The following PTPRG variants were observed in gnomAD, a reference collection of about 807,000 sequenced individuals.
PTPRG encodes protein tyrosine phosphatase receptor type G.
Under a neutral mutation model 165.3 loss-of-function variants are expected in PTPRG, and 102 were observed. The ratio of observed to expected loss-of-function variants is 0.62; its 90% CI spans 0.53 to 0.73. PTPRG has a LOEUF of 0.73. PTPRG is among the 30% of genes least tolerant of loss of function. PTPRG has a pLI of 0.00. For missense variants in PTPRG, 1,866 were observed against 1,861.4 expected, an observed-to-expected ratio of 1.00 and a Z score of -0.05; for synonymous variants, 675 against 669.5, an observed-to-expected ratio of 1.01 and a Z score of -0.13.
intron 5 of PTPRG, among the ~76,000 whole-genome samples, chr3:62,102,525 C>T (rs527452144): frequency 6.6e-6 from 1 of 152,314 alleles, no homozygotes; most frequent in East Asian, 1.9e-4. Context: ...CCCACCTAAG[C>T]CTCCCAAAGT....
intron 2 of PTPRG, among the ~76,000 whole-genome samples, chr3:61,921,046 T>C (rs2039065091): frequency 6.6e-6 from 1 of 151,884 alleles, no homozygotes; most frequent in African/African-American, 2.4e-5. Context: ...GGTCTTGTTA[T>C]AATAAAATTA....
intron 1 of PTPRG, among the ~76,000 whole-genome samples, chr3:61,563,811 G>T (rs1699832872): frequency 2.6e-5 from 2 of 77,780 alleles, no homozygotes; most frequent in Non-Finnish European, 6.1e-5. Context: ...CGCCCTTGGG[G>T]ATCCCCTCGG....
In PTPRG at chr3:61,562,116, G is replaced by A; in HGVS notation, c.-172G>A. The A allele has an allele frequency of 1.7e-6, 1 of 588,156 alleles. No individual in the cohort carries two copies. The highest frequency in any genetic ancestry group is 3.0e-5 in the Admixed American group (1 of 33,332). The allele number at this position is 588,156 out of a possible 1,614,324, so 36.4% of individuals were successfully genotyped here. A position where few individuals can be genotyped will look rare whatever the true frequency, so the allele number is the denominator to read the frequency against. On this transcript the variant is annotated 5_prime_UTR_variant, in exon 1 of 30. Transcript: ENST00000474889. ...GTCACTTTTTGAGATTTTCCGGGGG[G>A]CGCTCGGCGGCTTCCCGGATTCCAA...
chr3:61,573,251 TGTCGGG>T lies in PTPRG; in HGVS notation c.85+10881_85+10886del, dbSNP rs1471530169. Among the ~76,000 whole-genome samples the T allele has an allele frequency of 3.3e-5, 5 of 152,122 alleles. No individual in the cohort carries two copies. The East Asian group carries it at 9.7e-4, about 29-fold the overall frequency. ...TCAGATGGCCCAAGAAGGGGTATGA[TGTCGGG>T]GGACAAGGGGGGGAAAGCCAGTGAC... is the stretch of plus-strand genomic sequence containing the variant. On this transcript the variant is annotated intron_variant, in intron 1 of 29. Transcript: ENST00000474889.
At chr3:62,061,640 T>C (rs1446619245) in intron 4 of PTPRG, among the ~76,000 whole-genome samples, 1 of 151,722 alleles carries the variant, frequency 6.6e-6, no homozygotes, top group Non-Finnish European at 1.5e-5. Context: ...TTCTTTTTTT[T>C]TTTTTTTAGA....
chr3:61,776,227 A>G (rs951251925), intron 2 of PTPRG, among the ~76,000 whole-genome samples: 3 of 152,066 alleles, frequency 2.0e-5, no homozygotes, highest in Non-Finnish European at 1.5e-5. Context: ...CTGTTTGCTA[A>G]GGGAATGGAA....
chr3:62,055,910 A>T (rs903523377), intron 4 of PTPRG, among the ~76,000 whole-genome samples: 4 of 152,148 alleles, frequency 2.6e-5, no homozygotes, highest in African/African-American at 9.7e-5. Flanking sequence ...AAATTTTCCA[A>T]ATAAGGTGAC....
Position 62,062,394 on chromosome 3 carries a change from G to A in PTPRG, c.520-15769G>A, listed in dbSNP as rs181775331. ...AAATGTTAAGGGAGGTATCTAGGTG[G>A]GTTGTATACAGGTGTTCACAGCAAA... is the stretch of plus-strand genomic sequence containing the variant. On this transcript the variant is annotated intron_variant, in intron 4 of 29. Coordinates refer to ENST00000474889, the MANE Select transcript of PTPRG (RefSeq NM_002841.4). 3.9e-5 allele frequency among the ~76,000 whole-genome samples: 6 copies of A among 152,260 alleles called. No individual in the cohort carries two copies. The East Asian group carries it at 9.7e-4, about 25-fold the overall frequency.
intron 2 of PTPRG, among the ~76,000 whole-genome samples, chr3:61,887,435 A>G (rs1010669697): frequency 6.6e-6 from 1 of 152,122 alleles, no homozygotes; most frequent in Non-Finnish European, 1.5e-5. Context: ...TTCCCAGTGT[A>G]CTGTTTACAA....
chr3:62,003,006 C>A (rs539207515), intron 3 of PTPRG, among the ~76,000 whole-genome samples: 15 of 152,230 alleles, frequency 9.9e-5, no homozygotes, highest in African/African-American at 2.6e-4. Context: ...ATCTTGCTCT[C>A]TAGATGATTT....
chr3:61,945,002 G>T (rs185296941), intron 2 of PTPRG, among the ~76,000 whole-genome samples: 1 of 152,150 alleles, frequency 6.6e-6, no homozygotes, highest in African/African-American at 2.4e-5. Flanking sequence ...TGCAAGTTGC[G>T]TGTGTCATGA....
intron 2 of PTPRG, among the ~76,000 whole-genome samples, chr3:61,913,035 G>T (rs1324580075): frequency 1.3e-5 from 2 of 152,208 alleles, no homozygotes; most frequent in African/African-American, 4.8e-5. Context: ...AATGGCGGCT[G>T]CATATCAGAG....
chr3:62,051,026 A>G (rs1700453148), intron 4 of PTPRG, among the ~76,000 whole-genome samples: 1 of 152,204 alleles, frequency 6.6e-6, no homozygotes, highest in South Asian at 2.1e-4. Context: ...ATCCAAAGGA[A>G]ATCAGAAGTT....
At chr3:61,699,534 C>T (rs1051763575) in intron 1 of PTPRG, among the ~76,000 whole-genome samples, 8 of 152,110 alleles carry the variant, frequency 5.3e-5, no homozygotes, top group African/African-American at 1.9e-4. Context: ...CTGCTTTTAC[C>T]TATTATTGAG....
chr3:62,036,546 TAAAC>T (rs1699945899), intron 4 of PTPRG, among the ~76,000 whole-genome samples: 1 of 152,168 alleles, frequency 6.6e-6, no homozygotes, highest in Non-Finnish European at 1.5e-5. Flanking sequence ...ACTCAAGAGT[TAAAC>T]AAGTCAAGGG....
intron 1 of PTPRG, among the ~76,000 whole-genome samples, chr3:61,646,267 G>A (rs931482789): frequency 6.6e-6 from 1 of 151,916 alleles, no homozygotes; most frequent in African/African-American, 2.4e-5. Flanking sequence ...ACGCCACCAC[G>A]CTTGGCTAAT....
At chr3:61,734,607 GT>G (rs1559580973) in intron 1 of PTPRG, among the ~76,000 whole-genome samples, 1 of 152,052 alleles carries the variant, frequency 6.6e-6, no homozygotes, top group African/African-American at 2.4e-5. Flanking sequence ...TGTCTTTCTC[GT>G]TTGCTGTCTA....
chr3:61,725,512 G>A (rs566600378), intron 1 of PTPRG, among the ~76,000 whole-genome samples: 2 of 152,224 alleles, frequency 1.3e-5, no homozygotes, highest in Middle Eastern at 6.8e-3. Flanking sequence ...AAAATCAGTT[G>A]GCCGTACTCT....
chr3:62,019,587 G>A (rs2041637096), intron 4 of PTPRG, among the ~76,000 whole-genome samples: 1 of 151,470 alleles, frequency 6.6e-6, no homozygotes, highest in Non-Finnish European at 1.5e-5. Flanking sequence ...ATAACAGGGT[G>A]ATTATAATGA....
Sources: allele counts gnomAD v4.1 joint callset (sites outside exome capture counted in the v4.1 genomes callset), GRCh38; gene constraint gnomAD v4.1.1; transcripts MANE v1.5; gene names NCBI Gene and HGNC (gene_info 2026-07-23, HGNC 2026-07-21).